DTNA: variants seen among roughly 807,000 people sequenced by gnomAD.
DTNA encodes dystrophin-related protein 3.
DTNA carries 43 observed loss-of-function variants against 100.7 expected under a neutral mutation model. The observed-to-expected ratio is 0.43, with a 90% confidence interval of 0.33 to 0.55. DTNA has a LOEUF of 0.55. Ranked by LOEUF, DTNA falls within the 20% of genes least tolerant of loss-of-function variation. The pLI is 0.04. For synonymous variants in DTNA, 349 were observed against 347.9 expected (o/e 1.00, Z -0.04); for missense variants, 798 against 953.9 (o/e 0.84, Z 2.15).
At chr18:34,840,851 T>C (rs986035870) in intron 13 of DTNA, among the ~76,000 whole-genome samples, 1 of 152,106 alleles carries the variant, frequency 6.6e-6, no homozygotes, top group Non-Finnish European at 1.5e-5. Context: ...TTTTCTTCCC[T>C]TTTCTTTATG....
intron 1 of DTNA, among the ~76,000 whole-genome samples, chr18:34,674,235 G>T (rs1599965589): frequency 1.3e-5 from 2 of 152,166 alleles, no homozygotes; most frequent in Non-Finnish European, 2.9e-5. Context: ...TTGCCCTTCC[G>T]CAAAGGTGCC....
chr18:34,696,007 G>A, intron 1 of DTNA, among the ~76,000 whole-genome samples: 1 of 152,118 alleles, frequency 6.6e-6, no homozygotes, highest in Non-Finnish European at 1.5e-5. Context: ...AAAATAGTTA[G>A]AATAAGCAGA....
At chr18:34,887,652 T>C in intron 22 of DTNA, 114 bp from the exon 23 acceptor site, 1 of 730,094 alleles carries the variant, frequency 1.4e-6, no homozygotes, top group Non-Finnish European at 1.7e-6. Context: ...TGTGTGTGTG[T>C]GTGTGCGCGC....
At chr18:34,587,621 T>C (rs985164520) in intron 1 of DTNA, among the ~76,000 whole-genome samples, 9 of 152,224 alleles carry the variant, frequency 5.9e-5, no homozygotes, top group Non-Finnish European at 1.3e-4. Context: ...TGAAGTATTA[T>C]TATTCTCATT....
At chr18:34,668,121 C>G (rs2076208914) in intron 1 of DTNA, among the ~76,000 whole-genome samples, 1 of 152,128 alleles carries the variant, frequency 6.6e-6, no homozygotes, top group Non-Finnish European at 1.5e-5. Context: ...CTGGTCTATT[C>G]AGAGATTCAG....
chr18:34,689,541 C>T (rs1401698255), intron 1 of DTNA, among the ~76,000 whole-genome samples: 1 of 152,126 alleles, frequency 6.6e-6, no homozygotes, highest in Non-Finnish European at 1.5e-5. Flanking sequence ...GGGCACCTGC[C>T]AGATGCCAGC....
intron 21 of DTNA, among the ~76,000 whole-genome samples, chr18:34,882,803 A>G (rs1030414266): frequency 2.6e-5 from 4 of 152,216 alleles, no homozygotes; most frequent in Admixed American, 6.5e-5. Flanking sequence ...GCTTTTTCTC[A>G]TAATTATTTT....
At chr18:34,819,947 A>T (rs963147068) in intron 8 of DTNA, among the ~76,000 whole-genome samples, 7 of 148,930 alleles carry the variant, frequency 4.7e-5, no homozygotes, top group African/African-American at 1.7e-4. Flanking sequence ...TTAAGGTTTT[A>T]TTATTATGTT....
At chr18:34,769,725 C>CTATTTTTTTTTT (rs2093663858) in intron 3 of DTNA, among the ~76,000 whole-genome samples, 1 of 53,872 alleles carries the variant, frequency 1.9e-5, no homozygotes, top group African/African-American at 4.9e-5. Flanking sequence ...CCCTCTGGGG[C>CTATTTTTTTTTT]TTTTTTTTTT....
chr18:34,871,735 G>T (rs1171580112), intron 17 of DTNA, among the ~76,000 whole-genome samples: 4 of 152,174 alleles, frequency 2.6e-5, no homozygotes, highest in African/African-American at 9.7e-5. Flanking sequence ...AGAAAGGAAG[G>T]CCAGAGATGG....
chr18:34,591,879 T>A (rs554261034), intron 1 of DTNA, among the ~76,000 whole-genome samples: 1 of 152,224 alleles, frequency 6.6e-6, no homozygotes, highest in South Asian at 2.1e-4. Context: ...ATCACTAAAA[T>A]AGGCTAGTAA....
chr18:34,857,654 G>A (rs752374508), intron 15 of DTNA, among the ~76,000 whole-genome samples: 2 of 152,060 alleles, frequency 1.3e-5, no homozygotes, highest in Non-Finnish European at 2.9e-5. Context: ...CTTTTTAAAA[G>A]CACTTTCCTT....
intron 17 of DTNA, chr18:34,866,011 G>A (rs928541748): frequency 7.5e-7 from 1 of 1,328,266 alleles, no homozygotes; most frequent in African/African-American, 1.4e-5. Flanking sequence ...GCCGTCAAAG[G>A]TGTGTTGATG....
chr18:34,514,263 A>G (rs561674261), intron 1 of DTNA, among the ~76,000 whole-genome samples: 1 of 152,218 alleles, frequency 6.6e-6, no homozygotes, highest in South Asian at 2.1e-4. Context: ...TGTATAAAAC[A>G]GTAGTTCAAG....
intron 1 of DTNA, among the ~76,000 whole-genome samples, chr18:34,500,496 T>C (rs2039782423): frequency 6.6e-6 from 1 of 150,962 alleles, no homozygotes; most frequent in South Asian, 2.1e-4. Flanking sequence ...CTGAGTCTCA[T>C]TCTGTCGCCC....
intron 1 of DTNA, among the ~76,000 whole-genome samples, chr18:34,680,090 G>A (rs897399427): frequency 2.0e-5 from 3 of 152,008 alleles, no homozygotes; most frequent in Non-Finnish European, 2.9e-5. Context: ...TTTTAGATGC[G>A]CTTATTGGGA....
intron 3 of DTNA, among the ~76,000 whole-genome samples, chr18:34,778,673 T>C (rs1433814550): frequency 2.0e-5 from 3 of 152,180 alleles, no homozygotes; most frequent in Non-Finnish European, 2.9e-5. Context: ...TAGACTAAAA[T>C]GGCTAAAAGT....
rs138034656 is a variant in DTNA, at chr18:34,684,539, G to A, written c.-1-71437G>A. Among the ~76,000 whole-genome samples, 1,137 of 152,212 alleles carry A rather than the reference G, an allele frequency of 7.5e-3. 17 individuals are homozygous for A. The highest frequency in any genetic ancestry group is 0.026 in the African/African-American group (1,099 of 41,520). ...ATTTGTGTCACATTTTCTTTATCCA[G>A]TCTAACATTTATGGGCATTTGGGTT... On this transcript the variant is annotated intron_variant, in intron 1 of 19. Coordinates refer to the DTNA transcript ENST00000283365.
At position 34,867,345 on chromosome 18, in the gene DTNA, A is replaced by G. The variant is rs905373309; in HGVS notation, c.1743+3283A>G. Reference sequence around the variant, plus strand: ...AAGATAATGTATTACATTATTTTGTATTTTGTGAAAAAAATTACTTTACTA... The same window carrying G: ...AAGATAATGTATTACATTATTTTGTGTTTTGTGAAAAAAATTACTTTACTA... On this transcript the variant is annotated intron_variant, in intron 17 of 22. Coordinates refer to ENST00000444659, the MANE Select transcript of DTNA (RefSeq NM_001386795.1). 5.7e-6 allele frequency: 7 copies of G among 1,229,992 alleles called. No individual in the cohort carries two copies. The African/African-American group carries it at 9.3e-5, about 16-fold the overall frequency. The allele number at this position is 1,229,992 out of a possible 1,614,324, so 76.2% of individuals were successfully genotyped here.
Sources: allele counts gnomAD v4.1 joint callset (sites outside exome capture counted in the v4.1 genomes callset), GRCh38; gene constraint gnomAD v4.1.1; transcripts MANE v1.5; gene names NCBI Gene and HGNC (gene_info 2026-07-23, HGNC 2026-07-21).